Variants in MED15 observed in about 807,000 individuals in gnomAD.
MED15 encodes mediator of RNA polymerase II transcription subunit 15.
MED15 carries 41 observed loss-of-function variants against 118.7 expected under a neutral mutation model. That is an observed-to-expected ratio of 0.35 (90% confidence interval 0.27 to 0.45). MED15 has a LOEUF of 0.45. Among genes scored for constraint, MED15 ranks in the 20% least tolerant of loss-of-function variants. The pLI is 1.00. For missense variants in MED15, 740 were observed against 1,025.5 expected (o/e 0.72, Z 3.80); for synonymous variants, 436 against 413.9 (o/e 1.05, Z -0.65).
At chr22:20,554,808 G>C in intron 4 of MED15, 128 bp from the exon 5 acceptor site, 4 of 900,130 alleles carry the variant, frequency 4.4e-6, no homozygotes, top group Non-Finnish European at 6.7e-6. Flanking sequence ...GTCTCTTACT[G>C]CTTGGGGCTG....
chr22:20,535,004 CTGGAGTGCAGT>C (rs1200631346), intron 1 of MED15, among the ~76,000 whole-genome samples: 4 of 152,180 alleles, frequency 2.6e-5, no homozygotes, highest in African/African-American at 4.8e-5. Flanking sequence ...GTCGCCCAGG[CTGGAGTGCAGT>C]AGTGCCATCT....
chr22:20,575,304 C>G, intron 9 of MED15, 72 bp downstream of exon 9: 1 of 1,548,422 alleles, frequency 6.5e-7, no homozygotes, highest in South Asian at 1.1e-5. Context: ...GTAAAGCGCA[C>G]CTGTCATTAT....
intron 1 of MED15, among the ~76,000 whole-genome samples, chr22:20,530,977 A>G (rs1357907794): frequency 6.6e-6 from 1 of 152,156 alleles, no homozygotes; most frequent in African/African-American, 2.4e-5. Flanking sequence ...ACGCATACCT[A>G]GCACTTCCTG....
intron 1 of MED15, among the ~76,000 whole-genome samples, chr22:20,521,458 G>A (rs960393442): frequency 2.9e-4 from 44 of 149,676 alleles, no homozygotes; most frequent in Non-Finnish European, 5.8e-4. Flanking sequence ...GTACAGTGGC[G>A]TGATCTTGGC....
Position 20,507,658 on chromosome 22 carries a change from G to A in MED15, c.-21G>A, listed in dbSNP as rs748255003. ...GGTGGCGGCCAAGCGGGATACGGGC[G>A]GCGGGAGCTGGGGAACAGGCATGGA... On this transcript the variant is annotated 5_prime_UTR_variant, in exon 1 of 18. Coordinates refer to ENST00000263205, the MANE Select transcript of MED15 (RefSeq NM_001003891.3). 1 of 1,613,838 alleles carries A rather than the reference G, an allele frequency of 6.2e-7. No individual in the cohort carries two copies. The highest frequency in any genetic ancestry group is 2.2e-5 in the East Asian group (1 of 44,884).
intron 4 of MED15, 97 bp downstream of exon 4, chr22:20,553,271 G>A: frequency 7.9e-7 from 1 of 1,263,516 alleles, no homozygotes; most frequent in Non-Finnish European, 1.1e-6. Context: ...GGGTTAACCT[G>A]TCACTAGAGG....
intron 2 of MED15, among the ~76,000 whole-genome samples, chr22:20,543,260 G>GGA (rs1357128955): frequency 2.2e-5 from 3 of 137,692 alleles, no homozygotes; most frequent in African/African-American, 8.5e-5. Flanking sequence ...CGCCCAGGCT[G>GGA]GAGTGCAGTG....
intron 1 of MED15, among the ~76,000 whole-genome samples, chr22:20,525,933 T>G (rs1448209341): frequency 6.6e-6 from 1 of 152,034 alleles, no homozygotes; most frequent in Non-Finnish European, 1.5e-5. Flanking sequence ...TTTTCTTTTT[T>G]TTTTTGAGAC....
At chr22:20,585,066 G>C in intron 15 of MED15, 35 bp from the exon 16 acceptor site, 1 of 1,613,340 alleles carries the variant, frequency 6.2e-7, no homozygotes, top group Non-Finnish European at 8.5e-7. Context: ...CCTGGGCCGC[G>C]TGTGCCAGGT....
chr22:20,584,580 G>T (rs761798194), intron 14 of MED15, 155 bp downstream of exon 14: 17 of 964,364 alleles, frequency 1.8e-5, no homozygotes, highest in Non-Finnish European at 2.7e-5. Context: ...GGTCTGCTGT[G>T]CTGGGTGGGA....
intron 9 of MED15, 138 bp from the exon 10 acceptor site, chr22:20,582,473 C>T (rs769324560): frequency 9.2e-5 from 125 of 1,352,576 alleles, no homozygotes; most frequent in Non-Finnish European, 1.2e-4. Context: ...TGTGTATGTC[C>T]AGGTGGCATT....
chr22:20,534,511 A>G (rs2054984132), intron 1 of MED15, among the ~76,000 whole-genome samples: 1 of 152,152 alleles, frequency 6.6e-6, no homozygotes, highest in Non-Finnish European at 1.5e-5. Flanking sequence ...AGAGAGTGAG[A>G]CATTGTCTCA....
chr22:20,534,853 GC>G (rs1325807801), intron 1 of MED15, among the ~76,000 whole-genome samples: 2 of 152,174 alleles, frequency 1.3e-5, no homozygotes, highest in Admixed American at 6.5e-5. Context: ...ATCTTTTGTG[GC>G]CCTGGTGACC....
At chr22:20,507,835 T>C (rs2053921401) in intron 1 of MED15, 89 bp downstream of exon 1, 2 of 1,569,242 alleles carry the variant, frequency 1.3e-6, no homozygotes, top group East Asian at 2.3e-5. Flanking sequence ...GTGAGAAACC[T>C]ACGGCGCCGG....
intron 1 of MED15, 126 bp downstream of exon 1, chr22:20,507,872 T>C: frequency 1.3e-6 from 2 of 1,511,864 alleles, no homozygotes; most frequent in Non-Finnish European, 1.8e-6. Flanking sequence ...GGGACTTGCG[T>C]GGGTCCCAGG....
Position 20,564,719 on chromosome 22 carries a change from T to C in MED15, c.690+31T>C, listed in dbSNP as rs761468131. ...AGGTCCCCTGTTCCTGCTCTTGGCC[T>C]CCCTCCTGCAGCGTGAGCCCTGGGC... is the stretch of plus-strand genomic sequence containing the variant. On this transcript the variant is annotated intron_variant, in intron 6 of 17. Coordinates refer to ENST00000263205, the MANE Select transcript of MED15 (RefSeq NM_001003891.3). 5.6e-6 allele frequency: 9 copies of C among 1,613,490 alleles called. No individual in the cohort carries two copies. In the Admixed American group the frequency reaches 1.5e-4, roughly 27 times the overall value.
chr22:20,543,491 C>T (rs1352387352), intron 2 of MED15, among the ~76,000 whole-genome samples: 4 of 150,342 alleles, frequency 2.7e-5, no homozygotes, highest in African/African-American at 9.8e-5. Flanking sequence ...GGATTATAGA[C>T]GTGAGCCACC....
intron 5 of MED15, among the ~76,000 whole-genome samples, chr22:20,560,261 C>CTATTATTATTAT (rs141805630): frequency 1.3e-5 from 2 of 151,318 alleles, no homozygotes; most frequent in Non-Finnish European, 2.9e-5. Flanking sequence ...CATTTCTTTT[C>CTATTATTATTAT]TATTATTATT....
Position 20,587,594 on chromosome 22 carries a change from T to C in MED15, c.*890T>C. Reference sequence around the variant, plus strand: ...TGTGCACTACCCCACCATCTGTGATTATAATAAATTTATTATTCCTGTGTT... The same window carrying C: ...TGTGCACTACCCCACCATCTGTGATCATAATAAATTTATTATTCCTGTGTT... On this transcript the variant is annotated 3_prime_UTR_variant, in exon 18 of 18. Coordinates refer to ENST00000263205, the MANE Select transcript of MED15 (RefSeq NM_001003891.3). 1 of 474,032 alleles carries C rather than the reference T, an allele frequency of 2.1e-6. No homozygotes were observed. The highest frequency in any genetic ancestry group is 3.4e-6 in the Non-Finnish European group (1 of 293,252). 29.4% of individuals were successfully genotyped at this position (474,032 alleles called of 1,614,324 possible). A position where few individuals can be genotyped will look rare whatever the true frequency, so the allele number is the denominator to read the frequency against.
Sources: gnomAD v4.1 joint callset for allele counts (sites outside exome capture counted in the v4.1 genomes callset) on GRCh38, gnomAD v4.1.1 for gene constraint, MANE v1.5 for transcripts, NCBI Gene and HGNC (gene_info 2026-07-23, HGNC 2026-07-21) for gene names.